SHROOM3: variants seen among roughly 807,000 people sequenced by gnomAD.
SHROOM3 encodes the protein shroom family member 3.
SHROOM3 carries 47 observed loss-of-function variants against 138.6 expected under a neutral mutation model. That is an observed-to-expected ratio of 0.34 (90% CI 0.27 to 0.43). The LOEUF is 0.43. SHROOM3 is among the 20% of genes least tolerant of loss of function. SHROOM3 has a pLI of 1.00. For missense variants in SHROOM3, 2,491 were observed against 2,596.5 expected (o/e 0.96, Z 0.88); for synonymous variants, 1,062 against 1,063.3 (o/e 1.00, Z 0.02).
chr4:76,647,123 T>C (rs1735839347), intron 2 of SHROOM3, among the ~76,000 whole-genome samples: 1 of 152,188 alleles, frequency 6.6e-6, no homozygotes, highest in African/African-American at 2.4e-5. Context: ...TGGGTGGAAC[T>C]AGAGGTTCTT....
intron 1 of SHROOM3, among the ~76,000 whole-genome samples, chr4:76,482,564 G>T (rs925173403): frequency 2.0e-5 from 3 of 152,138 alleles, no homozygotes; most frequent in Non-Finnish European, 4.4e-5. Flanking sequence ...CGTGAAAATG[G>T]CCATACTGCC....
intron 1 of SHROOM3, among the ~76,000 whole-genome samples, chr4:76,522,318 CT>C (rs1465339811): frequency 6.7e-6 from 1 of 149,148 alleles, no homozygotes. Context: ...ACCAGTGTAG[CT>C]TTTTTTAGTG....
intron 10 of SHROOM3, among the ~76,000 whole-genome samples, chr4:76,776,775 G>A (rs6532612): frequency 0.48 from 73,480 of 151,972 alleles, 18,278 homozygotes; most frequent in African/African-American, 0.61. Flanking sequence ...AGATTTTTGT[G>A]TAAGGTGAGA....
rs527524380 is a variant in SHROOM3 at position 76,513,265 on chromosome 4, TGA to T, written c.169-42342_169-42341del. ...TAAACACAAGGAAAGCTGTTCAGGC[TGA>T]GTGTGGGAGAAGGGGAAGCTGGTTG... On this transcript the variant is annotated intron_variant, in intron 1 of 10. Transcript: ENST00000296043. 1.6e-4 allele frequency among the ~76,000 whole-genome samples: 25 copies of T among 152,244 alleles called. No individual in the cohort carries two copies. The East Asian group carries it at 4.8e-3, about 29-fold the overall frequency.
chr4:76,628,441 G>A (rs940298956), intron 2 of SHROOM3, among the ~76,000 whole-genome samples: 1 of 152,084 alleles, frequency 6.6e-6, no homozygotes, highest in African/African-American at 2.4e-5. Flanking sequence ...CAACCAAGAG[G>A]AAATGTGAAC....
At chr4:76,659,410 A>G (rs560466324) in intron 2 of SHROOM3, among the ~76,000 whole-genome samples, 1 of 152,358 alleles carries the variant, frequency 6.6e-6, no homozygotes, top group African/African-American at 2.4e-5. Context: ...AGTACAGCCC[A>G]TAGTTTAAAA....
At chr4:76,447,997 GC>G (rs1730848150) in intron 1 of SHROOM3, among the ~76,000 whole-genome samples, 1 of 151,294 alleles carries the variant, frequency 6.6e-6, no homozygotes, top group Admixed American at 6.6e-5. Flanking sequence ...AACAGAGAAG[GC>G]AAAATAAACA....
chr4:76,573,654 ACTGCTGGC>A (rs963653137), intron 2 of SHROOM3: 2 of 154,074 alleles, frequency 1.3e-5, no homozygotes, highest in Non-Finnish European at 2.9e-5. Context: ...CTTCCCAGCC[ACTGCTGGC>A]CTCCAACGCT....
At chr4:76,514,429 G>C (rs1732402734) in intron 1 of SHROOM3, among the ~76,000 whole-genome samples, 1 of 152,154 alleles carries the variant, frequency 6.6e-6, no homozygotes, top group Admixed American at 6.5e-5. Flanking sequence ...CATATGAAAT[G>C]CCCAGAACAG....
chr4:76,722,588 A>G (rs960068804), intron 3 of SHROOM3, among the ~76,000 whole-genome samples: 1 of 152,066 alleles, frequency 6.6e-6, no homozygotes, highest in Admixed American at 6.6e-5. Flanking sequence ...GGAATAATCT[A>G]TATAACACCC....
rs552848174 is a variant in SHROOM3 at position 76,490,545 on chromosome 4, G to A, written c.168+54325G>A. Reference sequence around the variant, plus strand: ...GCTGGGATTACAGGTGTGAGCCACCGCACCCGGCTGCTTCTGGTCCTTTTA... The same window carrying A: ...GCTGGGATTACAGGTGTGAGCCACCACACCCGGCTGCTTCTGGTCCTTTTA... On this transcript the variant is annotated intron_variant, in intron 1 of 10. Coordinates refer to ENST00000296043, the MANE Select transcript of SHROOM3 (RefSeq NM_020859.4). Among the ~76,000 whole-genome samples, 67 of 152,082 alleles carry A rather than the reference G, an allele frequency of 4.4e-4. 2 individuals carry two copies. The South Asian group carries it at 0.012, about 27-fold the overall frequency.
intron 1 of SHROOM3, among the ~76,000 whole-genome samples, chr4:76,521,700 A>G (rs1235928359): frequency 3.3e-5 from 5 of 152,224 alleles, no homozygotes; most frequent in Admixed American, 3.3e-4. Flanking sequence ...CAGAAGTTGT[A>G]CATGTTGCCA....
intron 5 of SHROOM3, among the ~76,000 whole-genome samples, chr4:76,743,706 T>C: frequency 6.6e-6 from 1 of 152,338 alleles, no homozygotes; most frequent in East Asian, 1.9e-4. Flanking sequence ...CCCAGATGTT[T>C]TCTGTTTAGA....
chr4:76,665,133 A>C (rs769011370), intron 2 of SHROOM3, among the ~76,000 whole-genome samples: 2 of 152,172 alleles, frequency 1.3e-5, no homozygotes, highest in African/African-American at 4.8e-5. Context: ...TACCATCTAC[A>C]AATAGGTAGG....
At chr4:76,521,288 GTGTGTGCGCACATA>G (rs1009390447) in intron 1 of SHROOM3, among the ~76,000 whole-genome samples, 1 of 151,770 alleles carries the variant, frequency 6.6e-6, no homozygotes, top group Non-Finnish European at 1.5e-5. Context: ...GTATATGTGT[GTGTGTGCGCACATA>G]TGTGTGTGTG....
At position 76,487,230 on chromosome 4, in the gene SHROOM3, T is replaced by A. The variant is rs190392657; in HGVS notation, c.168+51010T>A. Among the ~76,000 whole-genome samples, 809 of 152,376 alleles carry A rather than the reference T, an allele frequency of 5.3e-3. 8 individuals carry two copies. The highest frequency in any genetic ancestry group is 0.019 in the African/African-American group (777 of 41,600). ...GGCAAGTTTCTTGCACTTAACGTAG[T>A]GTTTTCAAGGTTTATCCATGTTGAA... On this transcript the variant is annotated intron_variant, in intron 1 of 10. Coordinates refer to ENST00000296043, the MANE Select transcript of SHROOM3 (RefSeq NM_020859.4).
intron 2 of SHROOM3, among the ~76,000 whole-genome samples, chr4:76,597,288 A>AT: frequency 6.6e-6 from 1 of 152,124 alleles, no homozygotes; most frequent in Non-Finnish European, 1.5e-5. Context: ...TCAGTGGGAA[A>AT]TTAGTAAAGG....
intron 1 of SHROOM3, among the ~76,000 whole-genome samples, chr4:76,464,617 A>C (rs1731212116): frequency 6.6e-6 from 1 of 152,144 alleles, no homozygotes; most frequent in Non-Finnish European, 1.5e-5. Flanking sequence ...GTCCCCACCC[A>C]AATCTCATGT....
At chr4:76,626,800 T>C (rs1577929479) in intron 2 of SHROOM3, among the ~76,000 whole-genome samples, 1 of 152,198 alleles carries the variant, frequency 6.6e-6, no homozygotes, top group East Asian at 1.9e-4. Flanking sequence ...AAAAGCTTCC[T>C]TTCTTTATAG....
Sources: gnomAD v4.1 joint callset for allele counts (sites outside exome capture counted in the v4.1 genomes callset) on GRCh38, gnomAD v4.1.1 for gene constraint, MANE v1.5 for transcripts, NCBI Gene and HGNC (gene_info 2026-07-23, HGNC 2026-07-21) for gene names.